The following ROCK2 variants were observed in gnomAD, a reference collection of about 807,000 sequenced individuals.
ROCK2 encodes the protein rho-associated protein kinase 2.
ROCK2 carries 61 observed loss-of-function variants against 195.1 expected under a neutral mutation model. The ratio of observed to expected loss-of-function variants is 0.31; its 90% CI spans 0.25 to 0.39. ROCK2 has a LOEUF of 0.39. Ranked by LOEUF, ROCK2 falls within the 10% of genes least tolerant of loss-of-function variation. The probability of loss-of-function intolerance (pLI) is 1.00; values close to 1 mark genes in which losing one functional copy is unlikely to be tolerated. For missense variants in ROCK2, 1,109 were observed against 1,637.4 expected, an observed-to-expected ratio of 0.68 and a Z score of 5.57; for synonymous variants, 504 against 545.5, an observed-to-expected ratio of 0.92 and a Z score of 1.06.
intron 1 of ROCK2, among the ~76,000 whole-genome samples, chr2:11,290,806 C>T (rs1219563948): frequency 1.3e-5 from 2 of 152,108 alleles, no homozygotes; most frequent in African/African-American, 4.8e-5. Flanking sequence ...TGAAAATCCC[C>T]ACTCCTAAAA....
At chr2:11,336,974 G>A (rs1668948618) in intron 1 of ROCK2, among the ~76,000 whole-genome samples, 3 of 152,182 alleles carry the variant, frequency 2.0e-5, no homozygotes, top group Admixed American at 6.5e-5. Context: ...CAGGCATGGC[G>A]GCTTGTGCCT....
intron 1 of ROCK2, among the ~76,000 whole-genome samples, chr2:11,322,644 C>G (rs1449671276): frequency 2.0e-5 from 3 of 152,158 alleles, no homozygotes; most frequent in Non-Finnish European, 2.9e-5. Flanking sequence ...CATCATTTAA[C>G]TTTCCACTTG....
intron 3 of ROCK2, among the ~76,000 whole-genome samples, chr2:11,255,910 G>C (rs1346134103): frequency 9.3e-6 from 1 of 107,210 alleles, no homozygotes; most frequent in African/African-American, 4.0e-5. Context: ...GTCTGGATGA[G>C]AGAGTATGAC....
chr2:11,227,283 A>G lies in ROCK2; in HGVS notation c.839T>C (p.Val280Ala). The part of the protein sequence containing the change: ...FYGRECDWWS[V>A]GVFLYEMLVG... ...TAGCATCTCATAAAGGAAAACACCT[A>G]CAGACCACCAATCACATTCTCGCCC... is the stretch of plus-strand genomic sequence containing the variant. The change falls in exon 6 of 33, where the codon GTA (valine) becomes GCA (alanine). Residue 280 changes from valine to alanine, a missense_variant. By Grantham distance (64) the Val-to-Ala change is moderately conservative (BLOSUM62 0). Coordinates refer to ENST00000315872, the MANE Select transcript of ROCK2 (RefSeq NM_004850.5). The G allele has an allele frequency of 1.2e-6, 2 of 1,613,746 alleles. No homozygotes were observed. The highest frequency in any genetic ancestry group is 1.7e-6 in the Non-Finnish European group (2 of 1,179,744).
chr2:11,313,816 T>G (rs187881876), intron 1 of ROCK2, among the ~76,000 whole-genome samples: 1 of 151,924 alleles, frequency 6.6e-6, no homozygotes, highest in African/African-American at 2.4e-5. Context: ...GTGCATGTTA[T>G]AAAGAGAGAA....
At chr2:11,253,331 T>C (rs1421661004) in intron 3 of ROCK2, among the ~76,000 whole-genome samples, 1 of 152,156 alleles carries the variant, frequency 6.6e-6, no homozygotes, top group Non-Finnish European at 1.5e-5. Flanking sequence ...ATAACGAAAC[T>C]TTCCTCAGGA....
Position 11,287,731 on chromosome 2 carries a change from G to A in ROCK2, c.147C>T (p.Gly49=). The stretch of plus-strand genomic sequence containing the variant: ...CTAAATCAAGGACCAAGGAATTTAA[G>A]CCATCCTGTTAAGAAATAAAAAGAG... The part of the protein sequence containing the change: ...SPINVESLLD[G]LNSLVLDLDF... The change falls in exon 2 of 33, where the codon GGC becomes GGT. Residue 49 remains glycine, a synonymous_variant. Coordinates refer to ENST00000315872, the MANE Select transcript of ROCK2 (RefSeq NM_004850.5). 1 of 1,286,246 alleles carries A rather than the reference G, an allele frequency of 7.8e-7. No homozygotes were observed. The highest frequency in any genetic ancestry group is 2.0e-5 in the South Asian group (1 of 49,344). 79.7% of individuals were successfully genotyped at this position (1,286,246 alleles called of 1,614,324 possible). A position where few individuals can be genotyped will look rare whatever the true frequency, so the allele number is the denominator to read the frequency against.
intron 4 of ROCK2, among the ~76,000 whole-genome samples, chr2:11,248,734 A>AAAAAAAAAAG (rs1665718298): frequency 7.1e-6 from 1 of 141,354 alleles, no homozygotes; most frequent in African/African-American, 2.5e-5. Flanking sequence ...AAAAAAAAAA[A>AAAAAAAAAAG]AAAAGAAAGA....
At chr2:11,320,984 G>A (rs1200426191) in intron 1 of ROCK2, among the ~76,000 whole-genome samples, 1 of 152,120 alleles carries the variant, frequency 6.6e-6, no homozygotes. Context: ...GAGACTACAT[G>A]ATCTACATGA....
chr2:11,211,353 A>G (rs568554431), intron 18 of ROCK2, among the ~76,000 whole-genome samples: 1 of 152,270 alleles, frequency 6.6e-6, no homozygotes, highest in Admixed American at 6.5e-5. Flanking sequence ...TGAAGTTCAG[A>G]TATTCCTTCT....
At chr2:11,252,084 A>C (rs1166512015) in intron 3 of ROCK2, among the ~76,000 whole-genome samples, 1 of 152,198 alleles carries the variant, frequency 6.6e-6, no homozygotes, top group African/African-American at 2.4e-5. Flanking sequence ...TAGTTAAACC[A>C]CTGTGGAAGA....
At position 11,183,086 on chromosome 2, in the gene ROCK2, C is replaced by T; in HGVS notation, c.*351G>A. The T allele has an allele frequency of 5.4e-6, 1 of 185,994 alleles. No homozygotes were observed. The highest frequency in any genetic ancestry group is 1.1e-5 in the Non-Finnish European group (1 of 90,350). 11.5% of individuals were successfully genotyped at this position (185,994 alleles called of 1,614,324 possible). Reference sequence around the variant, plus strand: ...CTTCTGGTAAATGTGCTGGTGAAACCTCTCTGTTGAAGCTAGAAAAGATGT... The same window carrying T: ...CTTCTGGTAAATGTGCTGGTGAAACTTCTCTGTTGAAGCTAGAAAAGATGT... On this transcript the variant is annotated 3_prime_UTR_variant, in exon 33 of 33. Transcript: ENST00000315872.
chr2:11,321,254 C>A (rs1668390075), intron 1 of ROCK2, among the ~76,000 whole-genome samples: 1 of 152,150 alleles, frequency 6.6e-6, no homozygotes, highest in African/African-American at 2.4e-5. Flanking sequence ...CAGCTCGCTG[C>A]AACCTCCGCC....
Position 11,197,161 on chromosome 2 carries a change from G to A in ROCK2, c.3448+19C>T, listed in dbSNP as rs374770582. 6.9e-5 allele frequency: 108 copies of A among 1,564,736 alleles called. No homozygotes were observed. The highest frequency in any genetic ancestry group is 9.1e-5 in the Non-Finnish European group (105 of 1,153,786). ...ATTTATATTTAAGATAAATATTAGT[G>A]CTGAAAACAAATCCATACCTGGAAA... On this transcript the variant is annotated intron_variant, in intron 27 of 32. Transcript: ENST00000315872. This position sits in a 1 kb window ranked among gnomAD's most constrained non-coding sequence, Gnocchi z 4.9.
intron 29 of ROCK2, 72 bp from the exon 30 acceptor site, chr2:11,193,929 T>C: frequency 1.2e-6 from 1 of 807,980 alleles, no homozygotes; most frequent in East Asian, 2.8e-5. Context: ...ATTCTATACT[T>C]ACATCAGACG....
chr2:11,324,280 CA>C (rs1668482097), intron 1 of ROCK2, among the ~76,000 whole-genome samples: 1 of 152,096 alleles, frequency 6.6e-6, no homozygotes, highest in Non-Finnish European at 1.5e-5. Context: ...ACTAAAAATA[CA>C]AAAATTAGCT....
At chr2:11,306,487 G>C (rs776692895) in intron 1 of ROCK2, among the ~76,000 whole-genome samples, 29 of 152,136 alleles carry the variant, frequency 1.9e-4, no homozygotes, top group Non-Finnish European at 3.7e-4. Flanking sequence ...AATGCAAACT[G>C]ATAGGCAGGA....
At chr2:11,308,387 C>G (rs1055835905) in intron 1 of ROCK2, 3 of 1,532,140 alleles carry the variant, frequency 2.0e-6, no homozygotes, top group Admixed American at 1.7e-5. Flanking sequence ...AATTTTGGCA[C>G]CTGGTGAAGA....
intron 1 of ROCK2, among the ~76,000 whole-genome samples, chr2:11,341,034 C>T (rs998888973): frequency 9.9e-5 from 15 of 151,684 alleles, no homozygotes; most frequent in Non-Finnish European, 2.1e-4. Context: ...AGGTATTTAC[C>T]CAAAGGTTTC....
Sources: gnomAD v4.1 joint callset for allele counts (sites outside exome capture counted in the v4.1 genomes callset) on GRCh38, gnomAD v4.1.1 for gene constraint, Gnocchi (gnomAD v3.1) non-coding constraint, MANE v1.5 for transcripts, NCBI Gene and HGNC (gene_info 2026-07-23, HGNC 2026-07-21) for gene names.